The following SMURF2 variants were observed in gnomAD, a reference collection of about 807,000 sequenced individuals.
SMURF2 encodes E3 ubiquitin-protein ligase SMURF2.
SMURF2 carries 48 observed loss-of-function variants against 109.6 expected under a neutral mutation model. The ratio of observed to expected loss-of-function variants is 0.44; its 90% CI spans 0.35 to 0.56. The LOEUF (loss-of-function observed/expected upper bound fraction) is 0.56, where lower values mean the gene tolerates loss of function less well. SMURF2 is among the 20% of genes least tolerant of loss of function. SMURF2 has a pLI of 0.01. For missense variants in SMURF2, 575 were observed against 909.0 expected, an observed-to-expected ratio of 0.63 and a Z score of 4.72; for synonymous variants, 288 against 317.1, an observed-to-expected ratio of 0.91 and a Z score of 0.97.
intron 1 of SMURF2, among the ~76,000 whole-genome samples, chr17:64,652,164 T>C (rs1244473495): frequency 5.3e-5 from 8 of 152,226 alleles, no homozygotes. Flanking sequence ...AGGTTCATAA[T>C]AGAAATTCTG....
intron 12 of SMURF2, chr17:64,560,852 G>A (rs1969203518): frequency 6.7e-6 from 1 of 150,048 alleles, no homozygotes; most frequent in African/African-American, 2.5e-5. Context: ...TGTAGTCCCA[G>A]CTACTCAGGA....
intron 1 of SMURF2, among the ~76,000 whole-genome samples, chr17:64,640,427 C>T (rs548791303): frequency 3.3e-5 from 5 of 152,156 alleles, no homozygotes; most frequent in East Asian, 1.9e-4. Flanking sequence ...ATCCACGTGA[C>T]TAAAGCATAA....
chr17:64,639,576 C>CAA (rs567006951), intron 1 of SMURF2, among the ~76,000 whole-genome samples: 16 of 142,190 alleles, frequency 1.1e-4, no homozygotes, highest in African/African-American at 4.1e-4. Context: ...GACTCTGACT[C>CAA]AAAAAAAAAA....
intron 1 of SMURF2, among the ~76,000 whole-genome samples, chr17:64,631,975 G>A (rs1331091161): frequency 1.4e-5 from 2 of 139,618 alleles, no homozygotes; most frequent in Non-Finnish European, 3.1e-5. Flanking sequence ...GGGGGGGGGG[G>A]GGGGGTGGAC....
intron 1 of SMURF2, among the ~76,000 whole-genome samples, chr17:64,631,320 G>GAC (rs1970345020): frequency 1.6e-5 from 2 of 122,458 alleles, no homozygotes; most frequent in African/African-American, 7.0e-5. Flanking sequence ...GAGAGAGAGA[G>GAC]AGAGAGACAG....
At chr17:64,599,182 A>G (rs1358043065) in intron 2 of SMURF2, among the ~76,000 whole-genome samples, 1 of 152,202 alleles carries the variant, frequency 6.6e-6, no homozygotes, top group African/African-American at 2.4e-5. Context: ...CTACGAGGTA[A>G]ACACTGTTAT....
chr17:64,644,461 T>C (rs989053410), intron 1 of SMURF2, among the ~76,000 whole-genome samples: 4 of 149,202 alleles, frequency 2.7e-5, no homozygotes, highest in African/African-American at 9.9e-5. Context: ...CCAAGTATGG[T>C]GGCACATACC....
chr17:64,593,669 A>C, intron 3 of SMURF2, 96 bp from the exon 4 acceptor site: 1 of 1,036,598 alleles, frequency 9.6e-7, no homozygotes, highest in Non-Finnish European at 1.3e-6. Flanking sequence ...AGTTACTAAT[A>C]TGCTTCAGAA....
chr17:64,547,535 C>A lies in SMURF2; in HGVS notation c.2071+65G>T, dbSNP rs2144583217. On this transcript the variant is annotated intron_variant, in intron 17 of 18. Transcript: ENST00000262435. The surrounding 1 kb of genome is among the most constrained non-coding windows in gnomAD (Gnocchi z 4.2). ...GCACATGGTTTACAAAATATCTCCA[C>A]AGACCCCACGCTGACAGCCCCGCCC... 1.5e-6 allele frequency: 2 copies of A among 1,373,416 alleles called. No individual in the cohort carries two copies. The highest frequency in any genetic ancestry group is 2.9e-5 in the African/African-American group (2 of 70,134). 85.1% of individuals were successfully genotyped at this position (1,373,416 alleles called of 1,614,324 possible).
At chr17:64,643,007 G>A (rs781922517) in intron 1 of SMURF2, among the ~76,000 whole-genome samples, 1 of 151,938 alleles carries the variant, frequency 6.6e-6, no homozygotes, top group Non-Finnish European at 1.5e-5. Flanking sequence ...CTGTTATCCA[G>A]GCTTAAGTTG....
chr17:64,583,635 C>T (rs1025488962), intron 6 of SMURF2, 91 bp from the exon 7 acceptor site: 36 of 886,692 alleles, frequency 4.1e-5, no homozygotes, highest in South Asian at 3.7e-4. Flanking sequence ...TGTTACAAAT[C>T]GGGAATGCCA....
intron 4 of SMURF2, 82 bp downstream of exon 4, chr17:64,593,358 T>C: frequency 8.3e-7 from 1 of 1,199,324 alleles, no homozygotes. Context: ...ATATAGTGCA[T>C]GTATATATGT....
At chr17:64,549,141 C>A (rs985959303) in intron 16 of SMURF2, among the ~76,000 whole-genome samples, 2 of 151,248 alleles carry the variant, frequency 1.3e-5, no homozygotes, top group Admixed American at 6.6e-5. Flanking sequence ...AAAAGGTAGC[C>A]GGGCGTGGTG....
intron 8 of SMURF2, among the ~76,000 whole-genome samples, chr17:64,579,404 C>T (rs1477294168): frequency 2.6e-5 from 4 of 151,692 alleles, no homozygotes; most frequent in South Asian, 2.1e-4. Context: ...TGTTTATAAA[C>T]GTATAATGTC....
At chr17:64,557,146 G>A (rs1306488995) in intron 13 of SMURF2, among the ~76,000 whole-genome samples, 1 of 152,190 alleles carries the variant, frequency 6.6e-6, no homozygotes, top group East Asian at 1.9e-4. Flanking sequence ...ACTGTGCTAA[G>A]TGCTTAATGT....
At chr17:64,546,422 A>G in intron 17 of SMURF2, 84 bp from the exon 18 acceptor site, 1 of 1,197,870 alleles carries the variant, frequency 8.3e-7, no homozygotes, top group South Asian at 1.3e-5. Context: ...TGGTAAGTTA[A>G]CCACAGGATC....
At chr17:64,612,567 A>T (rs1970059920) in intron 1 of SMURF2, among the ~76,000 whole-genome samples, 1 of 152,010 alleles carries the variant, frequency 6.6e-6, no homozygotes, top group Non-Finnish European at 1.5e-5. Context: ...TCAGCTACTC[A>T]GGAGGCTGAG....
intron 5 of SMURF2, among the ~76,000 whole-genome samples, chr17:64,589,241 A>G (rs543669617): frequency 6.6e-6 from 1 of 152,324 alleles, no homozygotes; most frequent in Non-Finnish European, 1.5e-5. Flanking sequence ...AATGTCTAAC[A>G]AAGTTTGCTA....
At chr17:64,598,255 T>G (rs1969844989) in intron 3 of SMURF2, 127 bp downstream of exon 3, 1 of 683,304 alleles carries the variant, frequency 1.5e-6, no homozygotes, top group Admixed American at 3.6e-5. Flanking sequence ...GGGCTTTTCT[T>G]TACCCCTTTT....
Sources: gnomAD v4.1 joint callset for allele counts (sites outside exome capture counted in the v4.1 genomes callset) on GRCh38, gnomAD v4.1.1 for gene constraint, Gnocchi (gnomAD v3.1) non-coding constraint, MANE v1.5 for transcripts, NCBI Gene and HGNC (gene_info 2026-07-23, HGNC 2026-07-21) for gene names.